The following SMOC1 variants were observed in gnomAD, a reference collection of about 807,000 sequenced individuals.
SMOC1 encodes SPARC-related modular calcium-binding protein 1.
SMOC1 carries 22 observed loss-of-function variants against 56.3 expected under a neutral mutation model. The observed-to-expected ratio is 0.39, with a 90% CI of 0.28 to 0.56. The LOEUF (loss-of-function observed/expected upper bound fraction) is 0.56, where lower values mean the gene tolerates loss of function less well. SMOC1 is among the 20% of genes least tolerant of loss of function. SMOC1 has a pLI of 0.61. For synonymous variants in SMOC1, 193 were observed against 215.0 expected (o/e 0.90, Z 0.89); for missense variants, 509 against 565.4 (o/e 0.90, Z 1.01).
chr14:69,953,386 G>A (rs1883074393), intron 2 of SMOC1, 34 bp from the exon 3 acceptor site: 3 of 1,603,826 alleles, frequency 1.9e-6, no homozygotes, highest in Non-Finnish European at 2.6e-6. Flanking sequence ...TCGAATCCAA[G>A]TGAAATATGA....
At chr14:69,881,624 CTTCT>C (rs1883642554) in intron 1 of SMOC1, among the ~76,000 whole-genome samples, 1 of 152,066 alleles carries the variant, frequency 6.6e-6, no homozygotes, top group African/African-American at 2.4e-5. Context: ...TCTCTCTCTC[CTTCT>C]TTCTTTTTTT....
intron 1 of SMOC1, among the ~76,000 whole-genome samples, chr14:69,915,711 C>T (rs990205840): frequency 5.9e-5 from 9 of 152,214 alleles, no homozygotes; most frequent in Admixed American, 5.9e-4. Context: ...TGTGCAGATA[C>T]AGGCAATGTT....
Position 69,917,998 on chromosome 14 carries a change from G to A in SMOC1, c.100-34140G>A, listed in dbSNP as rs368014857. 1.2e-4 allele frequency among the ~76,000 whole-genome samples: 19 copies of A among 152,180 alleles called. No individual in the cohort carries two copies. The South Asian group carries it at 3.9e-3, about 32-fold the overall frequency. On this transcript the variant is annotated intron_variant, in intron 1 of 11. Transcript: ENST00000361956. ...TGTGGTCCCCAGCTCTCCATCCCTG[G>A]CCTTATTAAGGTCTAATTAACAAAA...
At chr14:69,918,477 C>G (rs932887637) in intron 1 of SMOC1, among the ~76,000 whole-genome samples, 11 of 152,138 alleles carry the variant, frequency 7.2e-5, no homozygotes, top group African/African-American at 2.7e-4. Flanking sequence ...ATCTGCCCAC[C>G]TTGGCCTCCC....
rs981454884 is a variant in SMOC1 at position 70,031,438 on chromosome 14, C to T, written c.*1180C>T. 2 of 152,186 alleles carry T rather than the reference C, an allele frequency of 1.3e-5. No homozygotes were observed. Among genetic ancestry groups the T allele is most frequent in the African/African-American group, 4.8e-5 (2 of 41,426 alleles). 9.4% of individuals were successfully genotyped at this position (152,186 alleles called of 1,614,324 possible). Reference sequence around the variant, plus strand: ...TGGGTGGGTTGGGGGAGGTGTCAGTCACCTTGTTGGTAACACTAAAGTTGT... The same window carrying T: ...TGGGTGGGTTGGGGGAGGTGTCAGTTACCTTGTTGGTAACACTAAAGTTGT... On this transcript the variant is annotated 3_prime_UTR_variant, in exon 12 of 12. Coordinates refer to ENST00000361956, the MANE Select transcript of SMOC1 (RefSeq NM_001034852.3).
At chr14:70,019,528 T>C (rs1885637580) in intron 10 of SMOC1, among the ~76,000 whole-genome samples, 1 of 152,202 alleles carries the variant, frequency 6.6e-6, no homozygotes, top group Non-Finnish European at 1.5e-5. Flanking sequence ...GATGACCAGC[T>C]TTGAATTCGG....
In SMOC1 at chr14:69,883,946, C is replaced by CCGGA. The variant is rs1883721555; in HGVS notation, c.99+4171_99+4174dup. ...ACGGAGTCTCGCTCTGTCGCCCAGG[C>CCGGA]CGGACTGCGGACTGCAGTGGCGCAA... is the stretch of plus-strand genomic sequence containing the variant. On this transcript the variant is annotated intron_variant, in intron 1 of 11. Transcript: ENST00000361956. 7.2e-5 allele frequency among the ~76,000 whole-genome samples: 9 copies of CCGGA among 124,456 alleles called. No individual in the cohort carries two copies. The South Asian group carries it at 2.4e-3, about 33-fold the overall frequency. The allele number at this position is 124,456 out of a possible 152,430, so 81.6% of individuals were successfully genotyped here.
intron 1 of SMOC1, among the ~76,000 whole-genome samples, chr14:69,900,570 A>G (rs1884217872): frequency 6.6e-6 from 1 of 152,184 alleles, no homozygotes; most frequent in African/African-American, 2.4e-5. Flanking sequence ...CAAAGACATT[A>G]TTATCATCCC....
chr14:69,953,790 C>T (rs1316866900), intron 3 of SMOC1, among the ~76,000 whole-genome samples: 2 of 152,228 alleles, frequency 1.3e-5, no homozygotes, highest in Non-Finnish European at 2.9e-5. Context: ...GGTCCCCATC[C>T]TCCCTGCCGT....
At chr14:69,885,751 C>T (rs1213016450) in intron 1 of SMOC1, 3 of 1,495,714 alleles carry the variant, frequency 2.0e-6, no homozygotes, top group Admixed American at 3.3e-5. Flanking sequence ...GTGGTCTCTT[C>T]TTCGGGACGT....
intron 7 of SMOC1, among the ~76,000 whole-genome samples, chr14:70,004,649 C>T (rs912930634): frequency 1.5e-4 from 23 of 152,214 alleles, no homozygotes; most frequent in African/African-American, 4.3e-4. Flanking sequence ...TTAGATTTGC[C>T]AGCCCCTATA....
chr14:69,994,694 G>T (rs559240821), intron 7 of SMOC1, among the ~76,000 whole-genome samples: 1 of 152,240 alleles, frequency 6.6e-6, no homozygotes, highest in African/African-American at 2.4e-5. Context: ...TTAGGTCGTT[G>T]ATCCTCTTAA....
At chr14:70,025,357 A>G (rs1041126784) in intron 11 of SMOC1, among the ~76,000 whole-genome samples, 2 of 152,216 alleles carry the variant, frequency 1.3e-5, no homozygotes, top group South Asian at 2.1e-4. Context: ...ATGGGTTCCC[A>G]TAGGAACCTG....
chr14:69,962,165 T>C (rs367705823), intron 3 of SMOC1, among the ~76,000 whole-genome samples: 14 of 150,774 alleles, frequency 9.3e-5, no homozygotes, highest in African/African-American at 2.7e-4. Context: ...CTCTCTCTCT[T>C]TTTTTTTTAT....
At position 69,979,591 on chromosome 14, in the gene SMOC1, CGT is replaced by C. The variant is rs138518257; in HGVS notation, c.526+1641_526+1642del. On this transcript the variant is annotated intron_variant, in intron 5 of 11. Coordinates refer to ENST00000361956, the MANE Select transcript of SMOC1 (RefSeq NM_001034852.3). ...GAAGATGCCTTCAAGTTTTCTATTG[CGT>C]GTGTGTGTGTGTGTTGTTTTTTTTC... Among the ~76,000 whole-genome samples the C allele has an allele frequency of 1.5e-3, 220 of 151,216 alleles. No homozygotes were observed. In the Middle Eastern group the frequency reaches 0.021, roughly 14 times the overall value.
chr14:69,918,183 A>G (rs748841228), intron 1 of SMOC1, among the ~76,000 whole-genome samples: 60 of 152,110 alleles, frequency 3.9e-4, no homozygotes, highest in Admixed American at 7.2e-4. Flanking sequence ...AATTAACTAG[A>G]GTTGCTGTGC....
chr14:70,001,976 A>G (rs1022390853), intron 7 of SMOC1, among the ~76,000 whole-genome samples: 12 of 152,338 alleles, frequency 7.9e-5, no homozygotes, highest in Admixed American at 6.5e-4. Flanking sequence ...CGATAGGAGT[A>G]TGCAGGAGGA....
chr14:69,992,521 G>A (rs762014504), intron 6 of SMOC1, 48 bp downstream of exon 6: 2 of 1,437,014 alleles, frequency 1.4e-6, no homozygotes, highest in Admixed American at 3.3e-5. Flanking sequence ...CTCATTTTCA[G>A]GTTTGGGAAA....
intron 1 of SMOC1, among the ~76,000 whole-genome samples, chr14:69,886,869 A>G (rs1328712396): frequency 6.6e-6 from 1 of 152,244 alleles, no homozygotes; most frequent in Non-Finnish European, 1.5e-5. Context: ...TATAGAAACA[A>G]AAGGACAGGA....
Sources: gnomAD v4.1 joint callset for allele counts (sites outside exome capture counted in the v4.1 genomes callset) on GRCh38, gnomAD v4.1.1 for gene constraint, MANE v1.5 for transcripts, NCBI Gene and HGNC (gene_info 2026-07-23, HGNC 2026-07-21) for gene names.